Variants in CORIN observed in about 807,000 individuals in gnomAD.
The protein encoded by CORIN is corin, serine peptidase.
Under a neutral mutation model 125.3 loss-of-function variants are expected in CORIN, and 117 were observed. The observed-to-expected ratio is 0.93, with a 90% CI of 0.80 to 1.09. The LOEUF (loss-of-function observed/expected upper bound fraction) is 1.09, where lower values mean the gene tolerates loss of function less well. Among genes scored for constraint, CORIN ranks in the 50% least tolerant of loss-of-function variants. The pLI is 0.00. For missense variants in CORIN, 1,253 were observed against 1,306.7 expected (o/e 0.96, Z 0.63); for synonymous variants, 450 against 466.4 (o/e 0.96, Z 0.45).
intron 4 of CORIN, among the ~76,000 whole-genome samples, chr4:47,746,185 T>C (rs909684023): frequency 1.3e-5 from 2 of 152,200 alleles, no homozygotes; most frequent in Admixed American, 1.3e-4. Context: ...CCCAGAGAAG[T>C]TAGCGAATAT....
At chr4:47,670,781 C>T (rs1344561356) in intron 10 of CORIN, among the ~76,000 whole-genome samples, 2 of 152,132 alleles carry the variant, frequency 1.3e-5, no homozygotes, top group Non-Finnish European at 1.5e-5. Context: ...CCCTCCACAC[C>T]GGAATGAGGA....
intron 6 of CORIN, among the ~76,000 whole-genome samples, chr4:47,692,372 C>G (rs1159538788): frequency 6.6e-6 from 1 of 152,082 alleles, no homozygotes; most frequent in Non-Finnish European, 1.5e-5. Flanking sequence ...CCCCTTCTTT[C>G]CAGTTTGTAA....
intron 5 of CORIN, among the ~76,000 whole-genome samples, chr4:47,716,892 T>C (rs1014135572): frequency 3.3e-5 from 5 of 152,062 alleles, no homozygotes; most frequent in African/African-American, 1.2e-4. Flanking sequence ...AAATAACATG[T>C]TAACTAAAAA....
chr4:47,617,039 T>C (rs1435130834), intron 19 of CORIN, among the ~76,000 whole-genome samples: 1 of 152,172 alleles, frequency 6.6e-6, no homozygotes, highest in Non-Finnish European at 1.5e-5. Context: ...TTTGTTGGAA[T>C]TGGGGGTGAG....
At chr4:47,784,100 A>T (rs761187166) in intron 3 of CORIN, among the ~76,000 whole-genome samples, 7 of 152,136 alleles carry the variant, frequency 4.6e-5, no homozygotes, top group Non-Finnish European at 1.0e-4. Flanking sequence ...CACCGTGAAA[A>T]ATGGGGTATG....
chr4:47,790,223 C>T (rs1731013095), intron 2 of CORIN: 1 of 985,096 alleles, frequency 1.0e-6, no homozygotes, highest in African/African-American at 1.7e-5. Flanking sequence ...TAAAATACCT[C>T]TTCATGGGGC....
chr4:47,660,226 G>C (rs1172570135), intron 12 of CORIN, among the ~76,000 whole-genome samples: 1 of 152,144 alleles, frequency 6.6e-6, no homozygotes, highest in Non-Finnish European at 1.5e-5. Flanking sequence ...TTCAAACTAT[G>C]AAACTACTAG....
chr4:47,726,425 G>A (rs1309676709), intron 5 of CORIN, among the ~76,000 whole-genome samples: 1 of 151,984 alleles, frequency 6.6e-6, no homozygotes, highest in Non-Finnish European at 1.5e-5. Flanking sequence ...AGGCATTATC[G>A]TAAGTGAAAG....
At chr4:47,613,582 G>A (rs910373299) in intron 19 of CORIN, among the ~76,000 whole-genome samples, 2 of 151,844 alleles carry the variant, frequency 1.3e-5, no homozygotes, top group Non-Finnish European at 2.9e-5. Context: ...TGATAGACTG[G>A]ATTAAGAAAA....
chr4:47,642,865 G>C (rs1174470986), intron 15 of CORIN: 2 of 1,457,114 alleles, frequency 1.4e-6, no homozygotes, highest in Non-Finnish European at 1.8e-6. Flanking sequence ...TTTTAATGAA[G>C]AGTTTTTAAA....
In CORIN at chr4:47,716,467, G is replaced by A. The variant is rs183124202; in HGVS notation, c.800-23384C>T. Reference sequence around the variant, plus strand: ...TCTCTGATGGTGTTAGCAAAAAACCGTGTAAACACCCTTGCCCTCTGTCAG... The same window carrying A: ...TCTCTGATGGTGTTAGCAAAAAACCATGTAAACACCCTTGCCCTCTGTCAG... On this transcript the variant is annotated intron_variant, in intron 5 of 21. Coordinates refer to ENST00000273857, the MANE Select transcript of CORIN (RefSeq NM_006587.4). Among the ~76,000 whole-genome samples the A allele has an allele frequency of 3.1e-3, 470 of 152,264 alleles. 3 individuals are homozygous for A. The highest frequency in any genetic ancestry group is 5.0e-3 in the Admixed American group (77 of 15,294).
intron 20 of CORIN, 96 bp from the exon 21 acceptor site, chr4:47,600,443 T>C: frequency 1.4e-6 from 1 of 736,362 alleles, no homozygotes; most frequent in Non-Finnish European, 2.0e-6. Flanking sequence ...AAATATAATA[T>C]AAATATTTTT....
intron 19 of CORIN, among the ~76,000 whole-genome samples, chr4:47,607,108 A>G (rs1331244580): frequency 1.3e-5 from 2 of 152,238 alleles, no homozygotes; most frequent in Non-Finnish European, 2.9e-5. Context: ...ATTAGTGTCA[A>G]TAAAACTGCT....
At chr4:47,760,174 G>T (rs2109865048) in intron 4 of CORIN, among the ~76,000 whole-genome samples, 1 of 152,272 alleles carries the variant, frequency 6.6e-6, no homozygotes, top group East Asian at 1.9e-4. Context: ...ATTATTCCCT[G>T]ATTAATGGGC....
At chr4:47,640,783 T>C (rs926847785) in intron 16 of CORIN, among the ~76,000 whole-genome samples, 5 of 152,212 alleles carry the variant, frequency 3.3e-5, no homozygotes, top group African/African-American at 9.6e-5. Context: ...GACTTTCTGG[T>C]TGTAAAATCT....
intron 3 of CORIN, among the ~76,000 whole-genome samples, chr4:47,785,073 T>C (rs1308074212): frequency 2.0e-5 from 3 of 152,238 alleles, no homozygotes; most frequent in Non-Finnish European, 4.4e-5. Flanking sequence ...GTGATATCCC[T>C]TTGTGGGTTT....
intron 4 of CORIN, among the ~76,000 whole-genome samples, chr4:47,755,348 C>T (rs563769990): frequency 3.9e-5 from 6 of 152,274 alleles, no homozygotes; most frequent in Non-Finnish European, 7.3e-5. Flanking sequence ...CATCTAAGAA[C>T]GGCCATGGTA....
intron 12 of CORIN, among the ~76,000 whole-genome samples, chr4:47,656,458 C>A (rs1460786082): frequency 6.6e-6 from 1 of 152,066 alleles, no homozygotes; most frequent in African/African-American, 2.4e-5. Context: ...TCCCGGTGAC[C>A]ATTTAGGATT....
At chr4:47,823,821 G>C (rs765127233) in intron 1 of CORIN, among the ~76,000 whole-genome samples, 2 of 152,174 alleles carry the variant, frequency 1.3e-5, no homozygotes, top group Non-Finnish European at 2.9e-5. Flanking sequence ...CCCAGACGCC[G>C]TGCTCATTCT....
Sources: gnomAD v4.1 joint callset for allele counts (sites outside exome capture counted in the v4.1 genomes callset) on GRCh38, gnomAD v4.1.1 for gene constraint, MANE v1.5 for transcripts, NCBI Gene and HGNC (gene_info 2026-07-23, HGNC 2026-07-21) for gene names.